MAF: variants seen among roughly 807,000 people sequenced by gnomAD.
The protein encoded by MAF is transcription factor Maf.
MAF carries 10 observed loss-of-function variants against 22.0 expected under a neutral mutation model. That is an observed-to-expected ratio of 0.45 (90% CI 0.28 to 0.77). MAF has a LOEUF of 0.77. Ranked by LOEUF, MAF falls within the 30% of genes least tolerant of loss-of-function variation. The pLI is 0.12. For missense variants in MAF, 544 were observed against 548.4 expected (o/e 0.99, Z 0.08); for synonymous variants, 337 against 255.8 (o/e 1.32, Z -3.03).
chr16:79,496,694 T>G, the MAF span, among the ~76,000 whole-genome samples: 2 of 152,200 alleles, frequency 1.3e-5, no homozygotes, highest in Admixed American at 6.5e-5. Flanking sequence ...TGGCAGGATC[T>G]AGAGATGCTT....
downstream of MAF, among the ~76,000 whole-genome samples, chr16:79,592,777 T>TA (rs913083682): frequency 7.2e-5 from 11 of 151,988 alleles, no homozygotes; most frequent in African/African-American, 9.7e-5. Context: ...AAAACTTCTC[T>TA]AAAAAAAACC....
At chr16:79,256,611 A>T in the MAF span, among the ~76,000 whole-genome samples, 1 of 152,118 alleles carries the variant, frequency 6.6e-6, no homozygotes, top group African/African-American at 2.4e-5. Context: ...ATGAGGTTTT[A>T]ACCATGGACA....
At chr16:79,244,921 C>T in the MAF span, among the ~76,000 whole-genome samples, 6 of 152,178 alleles carry the variant, frequency 3.9e-5, no homozygotes, top group East Asian at 1.2e-3. Context: ...CACACCTCTA[C>T]AACCATCTGA....
At chr16:79,444,864 T>A in the MAF span, among the ~76,000 whole-genome samples, 5 of 152,112 alleles carry the variant, frequency 3.3e-5, no homozygotes, top group African/African-American at 1.2e-4. Context: ...CATCTATTAA[T>A]TGCATTGCAT....
At chr16:79,218,512 G>A in the MAF span, among the ~76,000 whole-genome samples, 16 of 152,174 alleles carry the variant, frequency 1.1e-4, no homozygotes, top group African/African-American at 2.7e-4. Context: ...GCCACAGAGA[G>A]CCACAATGCT....
At chr16:79,444,942 G>A in the MAF span, among the ~76,000 whole-genome samples, 2 of 152,160 alleles carry the variant, frequency 1.3e-5, no homozygotes, top group South Asian at 4.1e-4. Flanking sequence ...CAGAAAGCCT[G>A]CTACGTGTAT....
At chr16:79,210,638 C>G in the MAF span, among the ~76,000 whole-genome samples, 1 of 152,132 alleles carries the variant, frequency 6.6e-6, no homozygotes, top group Non-Finnish European at 1.5e-5. Context: ...TCATAAGATG[C>G]CAGATAAACT....
At chr16:79,544,634 C>G in the MAF span, among the ~76,000 whole-genome samples, 4 of 151,628 alleles carry the variant, frequency 2.6e-5, no homozygotes, top group African/African-American at 7.3e-5. Flanking sequence ...ATTAGCCAGG[C>G]GTGGTGGCAG....
the MAF span, among the ~76,000 whole-genome samples, chr16:79,450,698 A>G: frequency 1.3e-5 from 2 of 152,164 alleles, no homozygotes; most frequent in Non-Finnish European, 2.9e-5. Context: ...GAAAGTGTGA[A>G]ATTTGACTGA....
At chr16:79,321,268 G>A in the MAF span, among the ~76,000 whole-genome samples, 1 of 152,110 alleles carries the variant, frequency 6.6e-6, no homozygotes, top group Admixed American at 6.5e-5. Flanking sequence ...GTAGGGGAAT[G>A]GAATCCATCA....
At chr16:79,451,302 G>A in the MAF span, among the ~76,000 whole-genome samples, 15 of 152,264 alleles carry the variant, frequency 9.9e-5, no homozygotes, top group South Asian at 8.3e-4. Flanking sequence ...CAGCAGATGC[G>A]CCCTGCCTGT....
the MAF span, chr16:79,205,247 C>A: frequency 2.0e-5 from 3 of 152,228 alleles, no homozygotes; most frequent in Admixed American, 6.5e-5. Flanking sequence ...TGGTGATGGA[C>A]TGGCACTTTA....
At chr16:79,580,552 C>T in the MAF span, among the ~76,000 whole-genome samples, 2 of 152,094 alleles carry the variant, frequency 1.3e-5, no homozygotes, top group African/African-American at 2.4e-5. Flanking sequence ...GAATGGGATG[C>T]CAGGGGGCTT....
At chr16:79,505,906 A>T in the MAF span, among the ~76,000 whole-genome samples, 1 of 152,208 alleles carries the variant, frequency 6.6e-6, no homozygotes, top group South Asian at 2.1e-4. Flanking sequence ...AAATCTGCAC[A>T]CCCAACGCAA....
the MAF span, among the ~76,000 whole-genome samples, chr16:79,518,436 T>G: frequency 6.6e-6 from 1 of 152,122 alleles, no homozygotes; most frequent in African/African-American, 2.4e-5. Flanking sequence ...AGAACTCTCA[T>G]GGGGAATCCT....
At chr16:79,514,160 G>C in the MAF span, among the ~76,000 whole-genome samples, 1 of 152,312 alleles carries the variant, frequency 6.6e-6, no homozygotes, top group South Asian at 2.1e-4. Flanking sequence ...CATTGCACGG[G>C]GGAAATAAGC....
chr16:79,339,613 TAATAC>T, the MAF span, among the ~76,000 whole-genome samples: 4 of 152,224 alleles, frequency 2.6e-5, no homozygotes, highest in Admixed American at 6.5e-5. Context: ...CTATTCTAAC[TAATAC>T]AATACATTAA....
the MAF span, among the ~76,000 whole-genome samples, chr16:79,243,878 C>T: frequency 6.6e-6 from 1 of 151,980 alleles, no homozygotes; most frequent in African/African-American, 2.4e-5. Flanking sequence ...ACGATCAAGT[C>T]AGCTTTATCC....
the MAF span, among the ~76,000 whole-genome samples, chr16:79,524,656 C>T: frequency 2.6e-3 from 403 of 152,220 alleles, 1 homozygote; most frequent in African/African-American, 9.3e-3. Context: ...TCTGGTTTTC[C>T]TCGACAGCTA....
Sources: allele counts gnomAD v4.1 joint callset (sites outside exome capture counted in the v4.1 genomes callset), GRCh38; gene constraint gnomAD v4.1.1; transcripts MANE v1.5; gene names NCBI Gene and HGNC (gene_info 2026-07-23, HGNC 2026-07-21).